Variants in LARGE1 observed in about 807,000 individuals in gnomAD.
The protein encoded by LARGE1 is xylosyl- and glucuronyltransferase LARGE1.
In LARGE1, 43 loss-of-function variants were observed where a neutral mutation model predicts 87.6. The ratio of observed to expected loss-of-function variants is 0.49; its 90% confidence interval spans 0.38 to 0.63. LARGE1 has a LOEUF of 0.63. Ranked by LOEUF, LARGE1 falls within the 30% of genes least tolerant of loss-of-function variation. LARGE1 has a pLI of 0.00. For missense variants in LARGE1, 802 were observed against 1,000.2 expected, an observed-to-expected ratio of 0.80 and a Z score of 2.67; for synonymous variants, 434 against 394.6, an observed-to-expected ratio of 1.10 and a Z score of -1.18.
At chr22:33,237,779 G>C (rs1269970541) in intron 11 of LARGE1, among the ~76,000 whole-genome samples, 1 of 152,192 alleles carries the variant, frequency 6.6e-6, no homozygotes, top group African/African-American at 2.4e-5. Flanking sequence ...GAGATATCCA[G>C]AGGTGCCTGG....
intron 1 of LARGE1, among the ~76,000 whole-genome samples, chr22:33,798,290 CTCAATCAA>C (rs58724713): frequency 1.6e-4 from 25 of 151,678 alleles, no homozygotes; most frequent in South Asian, 1.3e-3. Context: ...AACTCTGTCT[CTCAATCAA>C]TCAATCAATC....
intron 6 of LARGE1, among the ~76,000 whole-genome samples, chr22:33,501,572 GT>G (rs1230607739): frequency 2.0e-5 from 3 of 152,186 alleles, no homozygotes; most frequent in Non-Finnish European, 4.4e-5. Flanking sequence ...TGTGCTCTGG[GT>G]TTCTTTCTTG....
At chr22:33,656,191 C>T (rs1470084496) in intron 2 of LARGE1, among the ~76,000 whole-genome samples, 2 of 152,050 alleles carry the variant, frequency 1.3e-5, no homozygotes, top group Non-Finnish European at 2.9e-5. Flanking sequence ...TAATTTATAA[C>T]AAACAAGAGG....
intron 10 of LARGE1, among the ~76,000 whole-genome samples, chr22:33,316,729 C>T (rs545535363): frequency 6.6e-6 from 1 of 151,754 alleles, no homozygotes; most frequent in Non-Finnish European, 1.5e-5. Context: ...AGAGCAAAAC[C>T]CTGTTTCAAA....
At chr22:33,350,940 CAT>C (rs1161230031) in intron 9 of LARGE1, among the ~76,000 whole-genome samples, 1 of 152,140 alleles carries the variant, frequency 6.6e-6, no homozygotes, top group Admixed American at 6.6e-5. Flanking sequence ...TTTGAGGAGA[CAT>C]TAAGAGAAAA....
At chr22:33,838,884 G>GA (rs1185352932) in intron 1 of LARGE1, among the ~76,000 whole-genome samples, 2 of 151,852 alleles carry the variant, frequency 1.3e-5, no homozygotes, top group South Asian at 4.2e-4. Context: ...TATCAGGGAG[G>GA]AAAAAAATGA....
intron 1 of LARGE1, among the ~76,000 whole-genome samples, chr22:33,766,967 T>TAC (rs1569436122): frequency 1.1e-4 from 8 of 73,878 alleles, no homozygotes; most frequent in Non-Finnish European, 1.9e-4. Flanking sequence ...TATATATATA[T>TAC]ACTTCCTGAA....
At chr22:33,087,173 AT>A in the LARGE1 span, among the ~76,000 whole-genome samples, 1,330 of 151,364 alleles carry the variant, frequency 8.8e-3, 20 homozygotes, top group African/African-American at 0.031. Flanking sequence ...CCACTCTCTT[AT>A]TTTTTTTCCA....
chr22:33,619,927 G>T (rs559809712), intron 4 of LARGE1, among the ~76,000 whole-genome samples: 2 of 152,316 alleles, frequency 1.3e-5, no homozygotes, highest in South Asian at 2.1e-4. Flanking sequence ...TCTAAGGCAG[G>T]TTGAGAAACA....
At chr22:33,497,334 C>T (rs1481300174) in intron 6 of LARGE1, among the ~76,000 whole-genome samples, 1 of 152,116 alleles carries the variant, frequency 6.6e-6, no homozygotes, top group African/African-American at 2.4e-5. Flanking sequence ...CCTTGGCCTC[C>T]CAAAGTGCTG....
At chr22:33,716,886 A>T (rs2082925383) in intron 2 of LARGE1, among the ~76,000 whole-genome samples, 1 of 152,232 alleles carries the variant, frequency 6.6e-6, no homozygotes. Context: ...ACCTGCAGAG[A>T]TGCCCATTCA....
At chr22:33,544,853 G>A (rs1293886016) in intron 6 of LARGE1, among the ~76,000 whole-genome samples, 1 of 152,120 alleles carries the variant, frequency 6.6e-6, no homozygotes, top group African/African-American at 2.4e-5. Context: ...AGCTGGCCAG[G>A]ACTGAGTCAT....
intron 1 of LARGE1, among the ~76,000 whole-genome samples, chr22:33,816,566 G>C (rs559657702): frequency 6.6e-6 from 1 of 152,176 alleles, no homozygotes; most frequent in East Asian, 1.9e-4. Flanking sequence ...CACACAGCAG[G>C]TTAGATTTCA....
chr22:33,478,052 G>T (rs117265887), intron 6 of LARGE1, among the ~76,000 whole-genome samples: 10 of 152,026 alleles, frequency 6.6e-5, no homozygotes, highest in African/African-American at 2.2e-4. Flanking sequence ...ACTCACCCAC[G>T]CATAGGTTGA....
chr22:33,232,043 T>C (rs1380733065), intron 11 of LARGE1, among the ~76,000 whole-genome samples: 1 of 152,206 alleles, frequency 6.6e-6, no homozygotes, highest in Non-Finnish European at 1.5e-5. Context: ...TTGCTAACCA[T>C]TCACAGCCAG....
chr22:33,330,207 T>A (rs1937576861), intron 10 of LARGE1, among the ~76,000 whole-genome samples: 1 of 152,112 alleles, frequency 6.6e-6, no homozygotes, highest in Non-Finnish European at 1.5e-5. Flanking sequence ...GCAAGCCTAT[T>A]AGGGATACTG....
intron 6 of LARGE1, among the ~76,000 whole-genome samples, chr22:33,540,769 C>T (rs1287349851): frequency 6.6e-6 from 1 of 151,998 alleles, no homozygotes; most frequent in Non-Finnish European, 1.5e-5. Context: ...ACGTGCTCCC[C>T]AGATGATTAT....
At chr22:33,697,566 A>AAAAAAAAAAAAAAAAAAC (rs2082288809) in intron 2 of LARGE1, among the ~76,000 whole-genome samples, 1 of 151,244 alleles carries the variant, frequency 6.6e-6, no homozygotes, top group African/African-American at 2.4e-5. Flanking sequence ...AAAAAAAAAA[A>AAAAAAAAAAAAAAAAAAC]AAAAGGAAAT....
rs1355931609 is a variant in LARGE1, at chr22:33,316,269, C to T, written c.1288-21G>A. On this transcript the variant is annotated intron_variant, in intron 10 of 14. Coordinates refer to ENST00000397394, the MANE Select transcript of LARGE1 (RefSeq NM_133642.5). Reference sequence around the variant, plus strand: ...TGGAGCTGCAGGGTAGGAGAGAGGGCTTGGGCACGTGAAGAAGAGGTCCGA... The same window carrying T: ...TGGAGCTGCAGGGTAGGAGAGAGGGTTTGGGCACGTGAAGAAGAGGTCCGA... The T allele has an allele frequency of 3.7e-6, 6 of 1,611,696 alleles. No individual in the cohort carries two copies. The East Asian group carries it at 1.3e-4, about 36-fold the overall frequency.
Sources: gnomAD v4.1 joint callset for allele counts (sites outside exome capture counted in the v4.1 genomes callset) on GRCh38, gnomAD v4.1.1 for gene constraint, MANE v1.5 for transcripts, NCBI Gene and HGNC (gene_info 2026-07-23, HGNC 2026-07-21) for gene names.